SDHC: variants seen among roughly 807,000 people sequenced by gnomAD.
The protein encoded by SDHC is succinate dehydrogenase complex subunit C.
A neutral mutation model predicts 22.6 loss-of-function variants in SDHC; 11 were observed. The ratio of observed to expected loss-of-function variants is 0.49; its 90% CI spans 0.31 to 0.81. The LOEUF (loss-of-function observed/expected upper bound fraction) is 0.81, where lower values mean the gene tolerates loss of function less well. Among genes scored for constraint, SDHC ranks in the 30% least tolerant of loss-of-function variants. The pLI is 0.05. For synonymous variants in SDHC, 80 were observed against 77.8 expected, an observed-to-expected ratio of 1.03 and a Z score of -0.15; for missense variants, 160 against 212.0, an observed-to-expected ratio of 0.75 and a Z score of 1.52.
chr1:161,325,702 G>T (rs191339385), intron 2 of SDHC, among the ~76,000 whole-genome samples: 2 of 152,140 alleles, frequency 1.3e-5, no homozygotes, highest in East Asian at 3.8e-4. Flanking sequence ...CTGAGGTACC[G>T]AGCTGAATCT....
At chr1:161,346,598 A>G (rs889270870) in intron 4 of SDHC, among the ~76,000 whole-genome samples, 11 of 152,006 alleles carry the variant, frequency 7.2e-5, no homozygotes, top group Non-Finnish European at 1.3e-4. Context: ...GGGTTTCTCC[A>G]TGTTGGTCAG....
chr1:161,321,395 C>A (rs1026947434), intron 1 of SDHC, among the ~76,000 whole-genome samples: 14 of 152,096 alleles, frequency 9.2e-5, no homozygotes, highest in Non-Finnish European at 2.9e-5. Context: ...TCTGTGAGGG[C>A]CTTGTAGAAA....
chr1:161,344,659 A>G (rs1045771180), intron 4 of SDHC, among the ~76,000 whole-genome samples: 1 of 152,102 alleles, frequency 6.6e-6, no homozygotes. Context: ...CAAAATCGTA[A>G]AGGAATAGGT....
chr1:161,327,080 A>G (rs971427323), intron 2 of SDHC, among the ~76,000 whole-genome samples: 2 of 152,108 alleles, frequency 1.3e-5, no homozygotes, highest in African/African-American at 4.8e-5. Context: ...TCGGACCATC[A>G]TGCTTGGCTA....
At chr1:161,338,781 G>A (rs377497882) in intron 3 of SDHC, among the ~76,000 whole-genome samples, 1 of 152,150 alleles carries the variant, frequency 6.6e-6, no homozygotes, top group Non-Finnish European at 1.5e-5. Flanking sequence ...TGAAACTCAG[G>A]TTTTCTTCCA....
At position 161,323,637 on chromosome 1, in the gene SDHC, G is replaced by A. The variant is rs1294873008; in HGVS notation, c.44G>A (p.Arg15Gln). The part of the protein sequence containing the change: ...LLRHVGRHCL[R>Q]AHFSPQLCIR... The stretch of plus-strand genomic sequence containing the variant: ...AGACACGTTGGTCGTCATTGCCTCC[G>A]AGCCCACTTTAGCCCTCAGCTCTGT... The change falls in exon 2 of 6, where the codon CGA (arginine) becomes CAA (glutamine). Residue 15 changes from arginine to glutamine, a missense_variant. By Grantham distance (43) the Arg-to-Gln change is conservative. Coordinates refer to ENST00000367975, the MANE Select transcript of SDHC (RefSeq NM_003001.5). 2.5e-6 allele frequency: 4 copies of A among 1,613,492 alleles called. No homozygotes were observed. Among genetic ancestry groups the A allele is most frequent in the African/African-American group, 1.3e-5 (1 of 74,952 alleles).
At chr1:161,340,135 A>G (rs1671668146) in intron 3 of SDHC, among the ~76,000 whole-genome samples, 1 of 152,088 alleles carries the variant, frequency 6.6e-6, no homozygotes, top group Middle Eastern at 3.2e-3. Context: ...CTAAAAATAC[A>G]AAAATTAGGC....
At chr1:161,341,192 C>T (rs745564358) in intron 4 of SDHC, among the ~76,000 whole-genome samples, 1 of 152,102 alleles carries the variant, frequency 6.6e-6, no homozygotes, top group Non-Finnish European at 1.5e-5. Context: ...TTCCTGATAT[C>T]ATGTTTATTG....
Position 161,314,830 on chromosome 1 carries a change from T to A in SDHC, c.20+405T>A, listed in dbSNP as rs1382217583. The A allele has an allele frequency of 1.0e-4, 22 of 214,244 alleles. 1 individual carries two copies. Among genetic ancestry groups the A allele is most frequent in the Non-Finnish European group, 1.8e-4 (19 of 104,494 alleles). 13.3% of individuals were successfully genotyped at this position (214,244 alleles called of 1,614,324 possible). A position where few individuals can be genotyped will look rare whatever the true frequency, so the allele number is the denominator to read the frequency against. ...CTTCGGAGAGAGAGATCTTCGTGTA[T>A]TTTGCCTTTGCTTCGAATGCCTTCA... is the stretch of plus-strand genomic sequence containing the variant. On this transcript the variant is annotated intron_variant, in intron 1 of 5. Transcript: ENST00000367975.
At chr1:161,337,505 C>G (rs1270667807) in intron 3 of SDHC, among the ~76,000 whole-genome samples, 1 of 152,204 alleles carries the variant, frequency 6.6e-6, no homozygotes, top group Non-Finnish European at 1.5e-5. Flanking sequence ...CGTCGGTCAT[C>G]AAGTCCTGCC....
At chr1:161,358,203 A>ATT (rs200683910) in intron 5 of SDHC, among the ~76,000 whole-genome samples, 12 of 140,494 alleles carry the variant, frequency 8.5e-5, no homozygotes, top group South Asian at 2.3e-4. Context: ...CGGCCAGCTA[A>ATT]TTTTTTTTTT....
intron 3 of SDHC, among the ~76,000 whole-genome samples, chr1:161,339,268 G>A (rs1389145027): frequency 6.6e-6 from 1 of 151,930 alleles, no homozygotes; most frequent in African/African-American, 2.4e-5. Context: ...CTGCAGTCTG[G>A]AGTTCCTGGC....
intron 4 of SDHC, among the ~76,000 whole-genome samples, chr1:161,344,812 A>T (rs1197079434): frequency 6.6e-6 from 1 of 152,200 alleles, no homozygotes; most frequent in African/African-American, 2.4e-5. Context: ...GCTTTATGGA[A>T]ACAAGGATGA....
intron 5 of SDHC, among the ~76,000 whole-genome samples, chr1:161,358,530 G>T (rs999659230): frequency 2.0e-5 from 3 of 152,094 alleles, no homozygotes; most frequent in South Asian, 2.1e-4. Context: ...CCAGCTACCC[G>T]TAAGGCTGAG....
At position 161,335,319 on chromosome 1, in the gene SDHC, A is replaced by T. The variant is rs1285337559; in HGVS notation, c.180-5275A>T. On this transcript the variant is annotated intron_variant, in intron 3 of 5. Coordinates refer to ENST00000367975, the MANE Select transcript of SDHC (RefSeq NM_003001.5). ...TCTACTGTAAAGTTACTGAATAAGGATGTTGTATTAATTAATACATATTTT... is the reference window on the plus strand; with the variant it reads ...TCTACTGTAAAGTTACTGAATAAGGTTGTTGTATTAATTAATACATATTTT... 3.3e-5 allele frequency among the ~76,000 whole-genome samples: 5 copies of T among 152,330 alleles called. No homozygotes were observed. In the South Asian group the frequency reaches 1.0e-3, roughly 32 times the overall value.
At chr1:161,335,382 A>C (rs1173635210) in intron 3 of SDHC, among the ~76,000 whole-genome samples, 1 of 152,194 alleles carries the variant, frequency 6.6e-6, no homozygotes, top group East Asian at 1.9e-4. Context: ...ATTCTTTCTC[A>C]TCAGATATTT....
chr1:161,323,677 TTC>T lies in SDHC; in HGVS notation c.77+9_77+10del. On this transcript the variant is annotated splice_region_variant and intron_variant, in intron 2 of 5. Transcript: ENST00000367975. Reference sequence around the variant, plus strand: ...CTCAGCTCTGTATCAGAAAGTAAGTTTCTAAGTCTGGAGATTATTTATTTATT... The same window carrying T: ...CTCAGCTCTGTATCAGAAAGTAAGTTTAAGTCTGGAGATTATTTATTTATT... 1 of 1,606,660 alleles carries T rather than the reference TTC, an allele frequency of 6.2e-7. No individual in the cohort carries two copies.
At chr1:161,346,924 C>A (rs894650423) in intron 4 of SDHC, among the ~76,000 whole-genome samples, 2 of 151,900 alleles carry the variant, frequency 1.3e-5, no homozygotes, top group Admixed American at 6.6e-5. Flanking sequence ...ACAATGTAAA[C>A]GCTATGTAAA....
chr1:161,315,162 CCTTTAGACACGCCTGGTACAA>C (rs1337069680), intron 1 of SDHC, among the ~76,000 whole-genome samples: 1 of 152,228 alleles, frequency 6.6e-6, no homozygotes, highest in Non-Finnish European at 1.5e-5. Context: ...GCGACTAGCG[CCTTTAGACACGCCTGGTACAA>C]ATCCCAGCAT....
Sources: gnomAD v4.1 joint callset for allele counts (sites outside exome capture counted in the v4.1 genomes callset) on GRCh38, gnomAD v4.1.1 for gene constraint, MANE v1.5 for transcripts, NCBI Gene and HGNC (gene_info 2026-07-23, HGNC 2026-07-21) for gene names.